Variants in ALDH7A1 observed in about 807,000 individuals in gnomAD.
ALDH7A1 encodes aldehyde dehydrogenase 7 family member A1.
A neutral mutation model predicts 79.9 loss-of-function variants in ALDH7A1; 63 were observed. The ratio of observed to expected loss-of-function variants is 0.79; its 90% CI spans 0.64 to 0.97. The LOEUF is 0.97. ALDH7A1 is among the 50% of genes least tolerant of loss of function. ALDH7A1 has a pLI of 0.00. For missense variants in ALDH7A1, 627 were observed against 665.2 expected (o/e 0.94, Z 0.63); for synonymous variants, 240 against 231.2 (o/e 1.04, Z -0.34).
At chr5:126,548,415 G>A (rs1749871598) in intron 16 of ALDH7A1, among the ~76,000 whole-genome samples, 1 of 125,974 alleles carries the variant, frequency 7.9e-6, no homozygotes, top group Admixed American at 9.7e-5. Context: ...ACCATGCCCA[G>A]CCCAAAACTT....
intron 11 of ALDH7A1, among the ~76,000 whole-genome samples, chr5:126,556,630 C>G (rs544057966): frequency 6.6e-6 from 1 of 152,218 alleles, no homozygotes; most frequent in East Asian, 1.9e-4. Context: ...TACATGTGTC[C>G]CATACTGTAA....
chr5:126,593,109 G>A (rs1422062633), intron 2 of ALDH7A1, among the ~76,000 whole-genome samples: 2 of 152,024 alleles, frequency 1.3e-5, no homozygotes, highest in African/African-American at 4.8e-5. Flanking sequence ...ATCTTTCTAC[G>A]CTTCACCTTT....
At chr5:126,591,830 G>A (rs993430504) in intron 3 of ALDH7A1, 2 of 152,232 alleles carry the variant, frequency 1.3e-5, no homozygotes, top group African/African-American at 4.8e-5. Flanking sequence ...CAATGGTGGA[G>A]ACTCAGAGAC....
At chr5:126,562,552 C>T (rs749672901) in intron 9 of ALDH7A1, 3 of 151,794 alleles carry the variant, frequency 2.0e-5, no homozygotes, top group Non-Finnish European at 4.4e-5. Flanking sequence ...ACATGCTACA[C>T]GATAGTTGTA....
chr5:126,589,341 G>T (rs1453053984), intron 3 of ALDH7A1, among the ~76,000 whole-genome samples: 1 of 151,954 alleles, frequency 6.6e-6, no homozygotes, highest in Non-Finnish European at 1.5e-5. Context: ...ATTTTTAGTA[G>T]AAACGGGGTT....
At chr5:126,567,220 C>T (rs1166146939) in intron 9 of ALDH7A1, among the ~76,000 whole-genome samples, 1 of 152,182 alleles carries the variant, frequency 6.6e-6, no homozygotes, top group Non-Finnish European at 1.5e-5. Flanking sequence ...AGGTCCCATT[C>T]CAGCCAATGG....
At chr5:126,561,324 A>G (rs1750396403) in intron 9 of ALDH7A1, 200 bp from the exon 10 acceptor site, 1 of 390,584 alleles carries the variant, frequency 2.6e-6, no homozygotes, top group African/African-American at 2.1e-5. Context: ...ATAAAGTAGC[A>G]TTACTATTGT....
chr5:126,554,441 A>G (rs1365791267), intron 12 of ALDH7A1, 48 bp from the exon 13 acceptor site: 2 of 1,487,740 alleles, frequency 1.3e-6, no homozygotes, highest in Non-Finnish European at 9.4e-7. Context: ...CCTTTATGGC[A>G]TCGTTTTATT....
At chr5:126,576,897 A>C (rs1194025735) in intron 6 of ALDH7A1, among the ~76,000 whole-genome samples, 182 bp downstream of exon 6, 1 of 152,224 alleles carries the variant, frequency 6.6e-6, no homozygotes, top group Non-Finnish European at 1.5e-5. Context: ...ATTACACTCC[A>C]GCCAGGGCAA....
At chr5:126,594,102 C>T (rs1316035984) in intron 1 of ALDH7A1, 2 of 410,088 alleles carry the variant, frequency 4.9e-6, no homozygotes, top group East Asian at 1.5e-4. Context: ...GCGATAATAA[C>T]CTTACCTTTC....
intron 10 of ALDH7A1, among the ~76,000 whole-genome samples, chr5:126,560,438 TCCAG>T (rs994771005): frequency 6.6e-6 from 1 of 152,122 alleles, no homozygotes; most frequent in African/African-American, 2.4e-5. Flanking sequence ...ACCACTGCAC[TCCAG>T]CCTGGGTGAC....
intron 10 of ALDH7A1, 94 bp from the exon 11 acceptor site, chr5:126,559,428 GTTTT>G: frequency 2.8e-6 from 2 of 718,626 alleles, no homozygotes; most frequent in Non-Finnish European, 4.3e-6. Flanking sequence ...TTTGTTTTTG[GTTTT>G]GGTTTTTTTT....
chr5:126,585,967 A>T (rs899585978), intron 3 of ALDH7A1, among the ~76,000 whole-genome samples: 2 of 152,240 alleles, frequency 1.3e-5, no homozygotes, highest in Non-Finnish European at 2.9e-5. Flanking sequence ...GAAAAAAAGA[A>T]ACCAACTGTC....
chr5:126,564,617 A>C, intron 9 of ALDH7A1: 1 of 1,217,168 alleles, frequency 8.2e-7, no homozygotes, highest in Non-Finnish European at 1.0e-6. Flanking sequence ...CATCAAGTGA[A>C]TATTAATTAT....
chr5:126,590,616 G>A (rs1478791309), intron 3 of ALDH7A1, among the ~76,000 whole-genome samples: 2 of 152,168 alleles, frequency 1.3e-5, no homozygotes, highest in African/African-American at 4.8e-5. Flanking sequence ...TGGGCCTGGT[G>A]GTTCACGCCT....
At chr5:126,551,953 T>A (rs1045904780) in intron 14 of ALDH7A1, 68 bp downstream of exon 14, 2 of 1,249,280 alleles carry the variant, frequency 1.6e-6, no homozygotes, top group African/African-American at 2.9e-5. Flanking sequence ...CAGTGAAATT[T>A]AATCCACCAT....
intron 2 of ALDH7A1, 29 bp downstream of exon 2, chr5:126,593,308 AACACACACACACAC>A (rs142510783): frequency 1.9e-5 from 29 of 1,546,900 alleles, no homozygotes; most frequent in Middle Eastern, 2.2e-4. Context: ...ATTTGAATTA[AACACACACACACAC>A]ACACACACAC....
At chr5:126,593,529 T>A in intron 1 of ALDH7A1, 125 bp from the exon 2 acceptor site, 1 of 1,359,606 alleles carries the variant, frequency 7.4e-7, no homozygotes, top group Non-Finnish European at 1.0e-6. Context: ...TCAAAAAGCT[T>A]AGGTTAACTT....
chr5:126,591,195 T>C (rs888387903), intron 3 of ALDH7A1, among the ~76,000 whole-genome samples: 14 of 152,142 alleles, frequency 9.2e-5, no homozygotes, highest in Non-Finnish European at 2.1e-4. Flanking sequence ...TGAAGGACAC[T>C]GTTTTGGACA....
Sources: allele counts gnomAD v4.1 joint callset (sites outside exome capture counted in the v4.1 genomes callset), GRCh38; gene constraint gnomAD v4.1.1; transcripts MANE v1.5; gene names NCBI Gene and HGNC (gene_info 2026-07-23, HGNC 2026-07-21).